Variants in SNX17 observed in about 807,000 individuals in gnomAD.
SNX17 encodes sorting nexin-17.
A neutral mutation model predicts 64.3 loss-of-function variants in SNX17; 35 were observed. That is an observed-to-expected ratio of 0.54 (90% CI 0.42 to 0.72). SNX17 has a LOEUF of 0.72. Among genes scored for constraint, SNX17 ranks in the 30% least tolerant of loss-of-function variants. The pLI is 0.00. For synonymous variants in SNX17, 259 were observed against 230.2 expected (o/e 1.13, Z -1.13); for missense variants, 538 against 610.0 (o/e 0.88, Z 1.24).
intron 2 of SNX17, 59 bp downstream of exon 2, chr2:27,371,402 A>C: frequency 6.4e-7 from 1 of 1,562,356 alleles, no homozygotes. Flanking sequence ...CGTGGACATC[A>C]GTGTCTCCCT....
intron 1 of SNX17, 26 bp downstream of exon 1, chr2:27,370,832 G>A (rs1682404094): frequency 6.5e-7 from 1 of 1,535,038 alleles, no homozygotes; most frequent in African/African-American, 1.4e-5. Context: ...AGCCGAGCCG[G>A]GCCGGGCAGG....
rs888937011 is a variant in SNX17 at position 27,374,246 on chromosome 2, C to T, written c.523+71C>T. On this transcript the variant is annotated intron_variant, in intron 6 of 14. Coordinates refer to ENST00000233575, the MANE Select transcript of SNX17 (RefSeq NM_014748.4). ...AGTTTGCAGCCCCCCTAACTCCCCA[C>T]CCCCACCCCCAGAATGAACATTGCC... 21 of 1,465,258 alleles carry T rather than the reference C, an allele frequency of 1.4e-5. No homozygotes were observed. The African/African-American group carries it at 1.7e-4, about 12-fold the overall frequency. 90.8% of individuals were successfully genotyped at this position (1,465,258 alleles called of 1,614,324 possible).
At position 27,375,812 on chromosome 2, in the gene SNX17, A is replaced by T. The variant is rs372487120; in HGVS notation, c.979-34A>T. Reference sequence around the variant, plus strand: ...TCAGGGAGCCAGACAGGTTGGTCAGAGTGAACTCAACCGAATTCCCCTTCC... The same window carrying T: ...TCAGGGAGCCAGACAGGTTGGTCAGTGTGAACTCAACCGAATTCCCCTTCC... On this transcript the variant is annotated intron_variant, in intron 10 of 14. Transcript: ENST00000233575. This position sits in a 1 kb window ranked among gnomAD's most constrained non-coding sequence, Gnocchi z 4.1. 6 of 1,612,208 alleles carry T rather than the reference A, an allele frequency of 3.7e-6. No homozygotes were observed. The South Asian group carries it at 6.6e-5, about 18-fold the overall frequency.
At chr2:27,373,149 A>G (rs1682810578) in intron 3 of SNX17, 98 bp from the exon 4 acceptor site, 1 of 1,606,328 alleles carries the variant, frequency 6.2e-7, no homozygotes, top group Admixed American at 1.7e-5. Context: ...GGCCACCATC[A>G]GCCCAGGAAA....
intron 1 of SNX17, 38 bp downstream of exon 1, chr2:27,370,844 G>T: frequency 6.5e-7 from 1 of 1,530,054 alleles, no homozygotes; most frequent in South Asian, 1.2e-5. Flanking sequence ...CCGGGCAGGG[G>T]CGGGGATAAC....
chr2:27,375,201 CG>C lies in SNX17; in HGVS notation c.774+49del. ...CTTCCTCTAAGGGCTTGCAGTGGCG[CG>C]ATCTTGGCTCACTGCAAGCTCTGCC... On this transcript the variant is annotated intron_variant, in intron 9 of 14. Transcript: ENST00000233575. The surrounding 1 kb of genome is among the most constrained non-coding windows in gnomAD (Gnocchi z 4.1). 1.3e-6 allele frequency: 2 copies of C among 1,543,924 alleles called. No individual in the cohort carries two copies. Among genetic ancestry groups the C allele is most frequent in the Non-Finnish European group, 1.8e-6 (2 of 1,119,274 alleles).
At position 27,375,086 on chromosome 2, in the gene SNX17, G is replaced by C. The variant is rs780775476; in HGVS notation, c.707G>C (p.Trp236Ser). The change falls in exon 9 of 15, where the codon TGG becomes TCG. Residue 236 changes from tryptophan to serine, a missense_variant. Physicochemically the swap from Trp to Ser is radical, Grantham distance 177 (BLOSUM62 -3). This residue lies in a region of SNX17 where 505 missense variants were observed against 550.4 expected (regional missense o/e 0.92). Coordinates refer to ENST00000233575, the MANE Select transcript of SNX17 (RefSeq NM_014748.4). The surrounding 1 kb of genome is among the most constrained non-coding windows in gnomAD (Gnocchi z 4.1). ...ACGGTATCAGATATTGAGCGTGGGTGGATCTTGGTCACCAAGGAACAGCAC... is the reference window on the plus strand; with the variant it reads ...ACGGTATCAGATATTGAGCGTGGGTCGATCTTGGTCACCAAGGAACAGCAC... ...AQTVSDIERGWILVTKEQHRQ... is the reference protein window; with the variant it reads ...AQTVSDIERGSILVTKEQHRQ... 1 of 1,614,090 alleles carries C rather than the reference G, an allele frequency of 6.2e-7. No homozygotes were observed. The highest frequency in any genetic ancestry group is 1.7e-5 in the Admixed American group (1 of 60,012).
At chr2:27,370,855 G>A (rs561712098) in intron 1 of SNX17, 49 bp downstream of exon 1, 84 of 1,521,256 alleles carry the variant, frequency 5.5e-5, no homozygotes, top group Non-Finnish European at 7.0e-5. Context: ...CGGGGATAAC[G>A]GGCCCGAGCC....
Position 27,376,095 on chromosome 2 carries a change from C to T in SNX17, c.1105-11C>T. 6.2e-7 allele frequency: 1 copy of T among 1,614,154 alleles called. No individual in the cohort carries two copies. The highest frequency in any genetic ancestry group is 8.5e-7 in the Non-Finnish European group (1 of 1,180,016). ...CACTCTCATCAAGCTGGACACTCTT[C>T]TTGCCCTCAGGCTATCATGATGAGC... On this transcript the variant is annotated splice_polypyrimidine_tract_variant and intron_variant, in intron 11 of 14. Coordinates refer to ENST00000233575, the MANE Select transcript of SNX17 (RefSeq NM_014748.4).
At chr2:27,371,796 A>G (rs1682594632) in intron 2 of SNX17, among the ~76,000 whole-genome samples, 1 of 152,172 alleles carries the variant, frequency 6.6e-6, no homozygotes, top group African/African-American at 2.4e-5. Context: ...CTGTGATGCA[A>G]TGTTTCTCCT....
chr2:27,376,560 A>T (rs1444290169), intron 14 of SNX17, 40 bp downstream of exon 14: 6 of 1,613,750 alleles, frequency 3.7e-6, no homozygotes, highest in Non-Finnish European at 8.5e-7. Flanking sequence ...TTGTTGGGGG[A>T]TCTTGCACGC....
Position 27,376,153 on chromosome 2 carries a change from G to A in SNX17, c.1152G>A (p.Met384Ile). 1 of 1,614,100 alleles carries A rather than the reference G, an allele frequency of 6.2e-7. No individual in the cohort carries two copies. The highest frequency in any genetic ancestry group is 8.5e-7 in the Non-Finnish European group (1 of 1,180,028). Reference sequence around the variant, plus strand: ...TGCAGTCCATGGTTGATGAACTGATGGTGAAGAAATCTGGCGGCAGTATCA... The same window carrying A: ...TGCAGTCCATGGTTGATGAACTGATAGTGAAGAAATCTGGCGGCAGTATCA... ...ICLQSMVDELMVKKSGGSIRK... is the reference protein window; with the variant it reads ...ICLQSMVDELIVKKSGGSIRK... Residue 384 changes from methionine (M) to isoleucine (I), a missense_variant, in exon 12 of 15, where the codon ATG becomes ATA. By Grantham distance (10) the Met-to-Ile change is conservative. Around this residue, in one of 3 missense-constraint regions of SNX17, gnomAD observed 505 missense variants for 550.4 expected, o/e 0.92. Coordinates refer to ENST00000233575, the MANE Select transcript of SNX17 (RefSeq NM_014748.4).
In SNX17 at chr2:27,375,894, G is replaced by A. The variant is rs1683156068; in HGVS notation, c.1027G>A (p.Glu343Lys). Residue 343 changes from glutamate (E) to lysine (K), a missense_variant, in exon 11 of 15, where the codon GAG becomes AAG. Coordinates refer to ENST00000233575, the MANE Select transcript of SNX17 (RefSeq NM_014748.4). The surrounding 1 kb of genome is among the most constrained non-coding windows in gnomAD (Gnocchi z 4.1). ...STSSPGRGRG[E>K]VRLELAFEYL... ...GAGCAGCCCAGGCCGGGGCCGGGGTGAGGTGCGCCTGGAACTGGCTTTTGA... is the reference window on the plus strand; with the variant it reads ...GAGCAGCCCAGGCCGGGGCCGGGGTAAGGTGCGCCTGGAACTGGCTTTTGA... The A allele has an allele frequency of 1.5e-5, 24 of 1,614,086 alleles. No individual in the cohort carries two copies. The highest frequency in any genetic ancestry group is 2.0e-5 in the Non-Finnish European group (24 of 1,180,058).
chr2:27,372,496 A>AG, intron 2 of SNX17, 127 bp from the exon 3 acceptor site: 1 of 1,322,508 alleles, frequency 7.6e-7, no homozygotes, highest in Non-Finnish European at 1.1e-6. Context: ...TCAGATGACC[A>AG]GGGTAGACAG....
At position 27,376,506 on chromosome 2, in the gene SNX17, A is replaced by T; in HGVS notation, c.1285A>T (p.Met429Leu). 6.2e-7 allele frequency: 1 copy of T among 1,614,074 alleles called. No individual in the cohort carries two copies. The highest frequency in any genetic ancestry group is 8.5e-7 in the Non-Finnish European group (1 of 1,180,020). The change falls in exon 14 of 15, where the codon ATG becomes TTG. Residue 429 changes from methionine to leucine, a missense_variant. Met to Leu is a conservative substitution (Grantham distance 15, BLOSUM62 2). Transcript: ENST00000233575. ...GTCACCTGATGCCACCCGGGAGTCTATGGTCAAACTCTCAGTGAGTTCCAG... is the reference window on the plus strand; with the variant it reads ...GTCACCTGATGCCACCCGGGAGTCTTTGGTCAAACTCTCAGTGAGTTCCAG... Reference protein sequence around the residue: ...LESPDATRESMVKLSSKLSAV... With the variant: ...LESPDATRESLVKLSSKLSAV...
chr2:27,370,631 C>G lies in SNX17; in HGVS notation c.-113C>G. ...CGCCTTCCCACATCGGATCGCAGGG[C>G]TCCCAAAATGGCGAGTGAGGCTGCG... On this transcript the variant is annotated 5_prime_UTR_variant, in exon 1 of 15. Coordinates refer to ENST00000233575, the MANE Select transcript of SNX17 (RefSeq NM_014748.4). 6.9e-7 allele frequency: 1 copy of G among 1,457,222 alleles called. No homozygotes were observed. Among genetic ancestry groups the G allele is most frequent in the Non-Finnish European group, 9.1e-7 (1 of 1,103,696 alleles). The allele number at this position is 1,457,222 out of a possible 1,614,324, so 90.3% of individuals were successfully genotyped here. A position where few individuals can be genotyped will look rare whatever the true frequency, so the allele number is the denominator to read the frequency against.
At position 27,376,514 on chromosome 2, in the gene SNX17, ACT is replaced by A; in HGVS notation, c.1297_1298del (p.Ser433LysfsTer2). ...ATGCCACCCGGGAGTCTATGGTCAAACTCTCAGTGAGTTCCAGCGTTGGTGAG... is the reference window on the plus strand; with the variant it reads ...ATGCCACCCGGGAGTCTATGGTCAAACTCAGTGAGTTCCAGCGTTGGTGAG... ...PDATRESMVK[L>X]SSKLSAVSLR... On this transcript the variant is annotated frameshift_variant, in exon 14 of 15. Transcript: ENST00000233575. LOFTEE classifies it high-confidence loss of function. 1 of 1,613,798 alleles carries A rather than the reference ACT, an allele frequency of 6.2e-7. No individual in the cohort carries two copies. Among genetic ancestry groups the A allele is most frequent in the Non-Finnish European group, 8.5e-7 (1 of 1,179,930 alleles).
Position 27,375,068 on chromosome 2 carries a change from C to T in SNX17, c.689C>T (p.Ser230Leu), listed in dbSNP as rs750869135. The part of the protein sequence containing the change: ...GLNLLYAQTV[S>L]DIERGWILVT... Reference sequence around the variant, plus strand: ...CCCTTGTCTCTACTATAGACGGTATCAGATATTGAGCGTGGGTGGATCTTG... The same window carrying T: ...CCCTTGTCTCTACTATAGACGGTATTAGATATTGAGCGTGGGTGGATCTTG... Residue 230 changes from serine to leucine, a missense_variant, in exon 9 of 15, where the codon TCA becomes TTA. Ser to Leu is a moderately radical substitution (Grantham distance 145). Transcript: ENST00000233575. This position sits in a 1 kb window ranked among gnomAD's most constrained non-coding sequence, Gnocchi z 4.1. The T allele has an allele frequency of 2.5e-6, 4 of 1,614,054 alleles. No individual in the cohort carries two copies. In the South Asian group the frequency reaches 3.3e-5, roughly 13 times the overall value.
Position 27,371,474 on chromosome 2 carries a change from G to A in SNX17, c.138+131G>A, listed in dbSNP as rs989956515. 17 of 1,416,110 alleles carry A rather than the reference G, an allele frequency of 1.2e-5. No individual in the cohort carries two copies. In the African/African-American group the frequency reaches 1.9e-4, roughly 16 times the overall value. The allele number at this position is 1,416,110 out of a possible 1,614,324, so 87.7% of individuals were successfully genotyped here. A position where few individuals can be genotyped will look rare whatever the true frequency, so the allele number is the denominator to read the frequency against. On this transcript the variant is annotated intron_variant, in intron 2 of 14. Transcript: ENST00000233575. The stretch of plus-strand genomic sequence containing the variant: ...CCTTTAATCACTGCCACAGGGTAGG[G>A]CCCTGGTTTATCTTGTCTGACATTT...
Sources: allele counts gnomAD v4.1 joint callset (sites outside exome capture counted in the v4.1 genomes callset), GRCh38; gene constraint gnomAD v4.1.1; regional missense constraint gnomAD v4.1.1; non-coding constraint Gnocchi (gnomAD v3.1); transcripts MANE v1.5; gene names NCBI Gene and HGNC (gene_info 2026-07-23, HGNC 2026-07-21).